DGLUCY: variants seen among roughly 807,000 people sequenced by gnomAD.
DGLUCY encodes the protein D-glutamate cyclase, mitochondrial.
A neutral mutation model predicts 58.5 loss-of-function variants in DGLUCY; 58 were observed. That is an observed-to-expected ratio of 0.99 (90% CI 0.80 to 1.23). DGLUCY has a LOEUF of 1.23. DGLUCY is among the 50% of genes most tolerant of loss of function. The pLI is 0.00. For synonymous variants in DGLUCY, 325 were observed against 314.1 expected (o/e 1.03, Z -0.37); for missense variants, 779 against 784.7 (o/e 0.99, Z 0.09).
chr14:91,107,499 C>G (rs2044612648), upstream of DGLUCY, among the ~76,000 whole-genome samples: 1 of 151,984 alleles, frequency 6.6e-6, no homozygotes, highest in South Asian at 2.1e-4. Flanking sequence ...GCCTGGGCAA[C>G]AGAGTGAGAC....
intron 6 of DGLUCY, 192 bp from the exon 7 acceptor site, chr14:91,175,742 G>T (rs2048818159): frequency 5.9e-5 from 31 of 523,378 alleles, no homozygotes; most frequent in South Asian, 5.9e-4. Flanking sequence ...ATGCCACATG[G>T]ACTGTAAATT....
At chr14:91,188,672 C>T (rs546911568) in intron 8 of DGLUCY, among the ~76,000 whole-genome samples, 1 of 151,312 alleles carries the variant, frequency 6.6e-6, no homozygotes, top group African/African-American at 2.4e-5. Context: ...TAAAAAATGC[C>T]AAAAAAAATT....
chr14:91,176,461 TG>T (rs2048859655), intron 7 of DGLUCY, among the ~76,000 whole-genome samples: 2 of 152,152 alleles, frequency 1.3e-5, no homozygotes, highest in African/African-American at 4.8e-5. Flanking sequence ...CCTGACCTCG[TG>T]GTCTGCCCAC....
At chr14:91,148,743 C>A (rs569263548) in intron 1 of DGLUCY, 1 of 150,312 alleles carries the variant, frequency 6.7e-6, no homozygotes, top group African/African-American at 2.4e-5. Flanking sequence ...CTCAAGAGTT[C>A]AAGACCAGCC....
intron 1 of DGLUCY, among the ~76,000 whole-genome samples, chr14:91,072,236 A>C (rs2043933873): frequency 1.3e-5 from 2 of 152,026 alleles, no homozygotes; most frequent in Non-Finnish European, 2.9e-5. Flanking sequence ...AGGCACGAGA[A>C]TCTCTTGAAT....
chr14:91,210,818 T>G (rs548446606), intron 12 of DGLUCY, among the ~76,000 whole-genome samples: 1 of 152,310 alleles, frequency 6.6e-6, no homozygotes, highest in South Asian at 2.1e-4. Context: ...GCAATGATGT[T>G]CCCTCTTACC....
intron 1 of DGLUCY, among the ~76,000 whole-genome samples, chr14:91,066,377 G>GA (rs1420358118): frequency 1.7e-4 from 12 of 72,554 alleles, no homozygotes; most frequent in Admixed American, 5.2e-4. Context: ...AACCCCATCT[G>GA]AAAAAAAAAA....
chr14:91,074,116 T>C (rs76561604), intron 1 of DGLUCY, among the ~76,000 whole-genome samples: 9,069 of 76,856 alleles, frequency 0.12, 552 homozygotes, highest in African/African-American at 0.14. Flanking sequence ...TATATATATA[T>C]ATACACACAC....
intron 1 of DGLUCY, among the ~76,000 whole-genome samples, chr14:91,146,964 C>T (rs888827732): frequency 1.3e-5 from 2 of 151,836 alleles, no homozygotes; most frequent in Admixed American, 6.6e-5. Context: ...CTTCCTGGGG[C>T]CTGTCAGCTG....
chr14:91,223,730 C>A, intron 13 of DGLUCY: 1 of 1,284,142 alleles, frequency 7.8e-7, no homozygotes, highest in South Asian at 1.2e-5. Flanking sequence ...CTAGCCCTGC[C>A]AATAAAATCA....
intron 3 of DGLUCY, among the ~76,000 whole-genome samples, chr14:91,164,701 G>C (rs1481815534): frequency 2.0e-5 from 3 of 152,042 alleles, no homozygotes; most frequent in Non-Finnish European, 2.9e-5. Flanking sequence ...CTCTCTCTCT[G>C]TCTCTGTTTG....
chr14:91,120,430 G>A (rs186664495), intron 1 of DGLUCY, among the ~76,000 whole-genome samples: 2 of 152,232 alleles, frequency 1.3e-5, no homozygotes, highest in Non-Finnish European at 2.9e-5. Context: ...TTGAGATGGA[G>A]TTTCACTCTT....
intron 2 of DGLUCY, among the ~76,000 whole-genome samples, chr14:91,158,401 C>G (rs1286749693): frequency 6.6e-6 from 1 of 152,356 alleles, no homozygotes; most frequent in African/African-American, 2.4e-5. Flanking sequence ...TATTAAAGTA[C>G]TCACTGTTGG....
At chr14:91,063,677 C>A (rs531704123) in intron 1 of DGLUCY, among the ~76,000 whole-genome samples, 1 of 152,188 alleles carries the variant, frequency 6.6e-6, no homozygotes, top group Non-Finnish European at 1.5e-5. Context: ...AGAGCCTATT[C>A]GGTTGAGAGA....
intron 1 of DGLUCY, among the ~76,000 whole-genome samples, chr14:91,074,669 T>C (rs2043989320): frequency 6.6e-6 from 1 of 152,130 alleles, no homozygotes; most frequent in African/African-American, 2.4e-5. Flanking sequence ...CAGCATTTAT[T>C]AGGTTGGTGC....
chr14:91,187,122 C>T, intron 8 of DGLUCY, among the ~76,000 whole-genome samples: 1 of 152,112 alleles, frequency 6.6e-6, no homozygotes, highest in East Asian at 1.9e-4. Context: ...GCCTCAGCCT[C>T]CTGAGTAGCT....
At chr14:91,090,903 C>G (rs549626634) in intron 1 of DGLUCY, among the ~76,000 whole-genome samples, 2 of 152,146 alleles carry the variant, frequency 1.3e-5, no homozygotes, top group Non-Finnish European at 2.9e-5. Context: ...GCGAATCCAC[C>G]CATTTCCCTG....
At chr14:91,151,599 A>G (rs1466503048) in intron 1 of DGLUCY, among the ~76,000 whole-genome samples, 2 of 151,556 alleles carry the variant, frequency 1.3e-5, no homozygotes, top group Non-Finnish European at 2.9e-5. Context: ...CAAGAATGGT[A>G]CTAAAGAAAA....
chr14:91,126,784 A>G (rs6575179), intron 1 of DGLUCY, among the ~76,000 whole-genome samples: 131,257 of 152,176 alleles, frequency 0.86, 56,862 homozygotes, highest in East Asian at 1. Flanking sequence ...AATTGCATCT[A>G]CAAAGACCCG....
Sources: gnomAD v4.1 joint callset for allele counts (sites outside exome capture counted in the v4.1 genomes callset) on GRCh38, gnomAD v4.1.1 for gene constraint, MANE v1.5 for transcripts, NCBI Gene and HGNC (gene_info 2026-07-23, HGNC 2026-07-21) for gene names.